The following LRRIQ3 variants were observed in gnomAD, a reference collection of about 807,000 sequenced individuals.
LRRIQ3 encodes leucine-rich repeat and IQ domain-containing protein 3.
A neutral mutation model predicts 59.3 loss-of-function variants in LRRIQ3; 75 were observed. That is an observed-to-expected ratio of 1.26 (90% CI 1.05 to 1.53). The LOEUF is 1.53. Ranked by LOEUF, LRRIQ3 falls within the 40% of genes most tolerant of loss-of-function variation. The probability of loss-of-function intolerance (pLI) is 0.00; values close to 1 mark genes in which losing one functional copy is unlikely to be tolerated. For missense variants in LRRIQ3, 831 were observed against 710.0 expected (o/e 1.17, Z -1.94); for synonymous variants, 250 against 231.3 (o/e 1.08, Z -0.73).
At chr1:74,197,052 T>C (rs372044981) in intron 1 of LRRIQ3, among the ~76,000 whole-genome samples, 1 of 152,234 alleles carries the variant, frequency 6.6e-6, no homozygotes, top group African/African-American at 2.4e-5. Flanking sequence ...CTCAAGTCTC[T>C]GTATTTTCTA....
At chr1:74,190,856 G>A (rs1271691634) in intron 1 of LRRIQ3, among the ~76,000 whole-genome samples, 1 of 152,114 alleles carries the variant, frequency 6.6e-6, no homozygotes, top group African/African-American at 2.4e-5. Context: ...GCAGAAGATA[G>A]TGGAGTGAAA....
chr1:74,196,878 A>T (rs1296500795), intron 1 of LRRIQ3, among the ~76,000 whole-genome samples: 1 of 152,084 alleles, frequency 6.6e-6, no homozygotes, highest in Admixed American at 6.5e-5. Context: ...CCCCCATTAT[A>T]ATCTATTCTC....
At chr1:74,147,143 G>A (rs899369547) in intron 4 of LRRIQ3, among the ~76,000 whole-genome samples, 3 of 152,132 alleles carry the variant, frequency 2.0e-5, no homozygotes, top group Non-Finnish European at 4.4e-5. Flanking sequence ...TAGAAGAATC[G>A]CTTGAGCCCA....
At chr1:74,180,737 G>C (rs1272019512) in intron 3 of LRRIQ3, 2 of 1,549,942 alleles carry the variant, frequency 1.3e-6, no homozygotes, top group African/African-American at 1.4e-5. Flanking sequence ...TCCAATATTG[G>C]GTAAGTTCCT....
At chr1:74,179,359 G>GT (rs1649841887) in intron 3 of LRRIQ3, among the ~76,000 whole-genome samples, 1 of 151,734 alleles carries the variant, frequency 6.6e-6, no homozygotes, top group Admixed American at 6.6e-5. Context: ...TTTTTATTGT[G>GT]TTATAAGGCA....
intron 4 of LRRIQ3, among the ~76,000 whole-genome samples, chr1:74,117,613 C>T (rs1051266019): frequency 1.3e-5 from 2 of 151,956 alleles, no homozygotes; most frequent in South Asian, 4.1e-4. Flanking sequence ...TAATACTACA[C>T]AAATTAGCCA....
chr1:74,153,132 A>G (rs987420045), intron 4 of LRRIQ3, among the ~76,000 whole-genome samples: 5 of 152,136 alleles, frequency 3.3e-5, no homozygotes, highest in African/African-American at 1.2e-4. Context: ...AAGACAACCA[A>G]TAATCCTCCC....
rs1333272379 is a variant in LRRIQ3, at chr1:74,164,558, C to A, written c.574-8692G>T. On this transcript the variant is annotated intron_variant, in intron 3 of 7. Coordinates refer to ENST00000354431, the MANE Select transcript of LRRIQ3 (RefSeq NM_001105659.2). ...CCTAGTGGTACTTTGTTATGGCAGC[C>A]CTAGCAAACAAATACATAGAGTTTG... Among the ~76,000 whole-genome samples the A allele has an allele frequency of 7.9e-5, 12 of 151,472 alleles. No individual in the cohort carries two copies. The South Asian group carries it at 2.5e-3, about 31-fold the overall frequency.
intron 3 of LRRIQ3, among the ~76,000 whole-genome samples, chr1:74,166,077 A>C (rs1442830294): frequency 6.6e-6 from 1 of 151,666 alleles, no homozygotes; most frequent in African/African-American, 2.4e-5. Flanking sequence ...TTCATAATAT[A>C]AATTAGGAGG....
chr1:74,084,145 T>G, intron 5 of LRRIQ3: 1 of 1,541,384 alleles, frequency 6.5e-7, no homozygotes, highest in Non-Finnish European at 8.8e-7. Flanking sequence ...TAATTCCTTT[T>G]GGCACTGATG....
At chr1:74,181,641 G>GT (rs1384414505) in intron 3 of LRRIQ3, 1 of 151,556 alleles carries the variant, frequency 6.6e-6, no homozygotes, top group Admixed American at 6.6e-5. Flanking sequence ...ATACTACCTT[G>GT]TTTTTTATAT....
chr1:74,101,427 G>T (rs1218266472), intron 5 of LRRIQ3, among the ~76,000 whole-genome samples: 1 of 152,168 alleles, frequency 6.6e-6, no homozygotes, highest in East Asian at 1.9e-4. Context: ...CAGAGAGGAT[G>T]TGGAGAAATA....
chr1:74,100,388 C>G (rs1398147415), intron 5 of LRRIQ3, among the ~76,000 whole-genome samples: 1 of 152,120 alleles, frequency 6.6e-6, no homozygotes, highest in Admixed American at 6.5e-5. Flanking sequence ...CTACAAACCA[C>G]TGCTCAACAA....
chr1:74,052,650 A>T (rs1483782), intron 6 of LRRIQ3, among the ~76,000 whole-genome samples: 129,352 of 152,040 alleles, frequency 0.85, 55,890 homozygotes, highest in East Asian at 0.97. Flanking sequence ...TTCATTGGAG[A>T]AGATTATAAG....
rs572431602 is a variant in LRRIQ3, at chr1:74,105,460, C to T, written c.867+3934G>A. Among the ~76,000 whole-genome samples the T allele has an allele frequency of 2.6e-5, 4 of 151,978 alleles. No individual in the cohort carries two copies. In the South Asian group the frequency reaches 6.2e-4, roughly 24 times the overall value. On this transcript the variant is annotated intron_variant, in intron 5 of 7. Coordinates refer to ENST00000354431, the MANE Select transcript of LRRIQ3 (RefSeq NM_001105659.2). ...AGAGATGGGGGTCTCACAATGTTTGCCAGGCTGGTCTTGAACTCCTGGCCT... is the reference window on the plus strand; with the variant it reads ...AGAGATGGGGGTCTCACAATGTTTGTCAGGCTGGTCTTGAACTCCTGGCCT...
At chr1:74,139,082 GTA>G (rs1327471282) in intron 4 of LRRIQ3, among the ~76,000 whole-genome samples, 1 of 146,598 alleles carries the variant, frequency 6.8e-6, no homozygotes, top group Admixed American at 6.9e-5. Context: ...ACACATATAT[GTA>G]TGTGTGTGTG....
At chr1:74,145,274 C>A (rs1261144134) in intron 4 of LRRIQ3, among the ~76,000 whole-genome samples, 1 of 152,242 alleles carries the variant, frequency 6.6e-6, no homozygotes, top group East Asian at 1.9e-4. Context: ...AAAGGGTATT[C>A]ATGACAGCTG....
intron 4 of LRRIQ3, among the ~76,000 whole-genome samples, chr1:74,146,322 C>A (rs919228750): frequency 1.3e-5 from 2 of 151,972 alleles, no homozygotes; most frequent in East Asian, 1.9e-4. Context: ...GTTAGTGTAC[C>A]ATTATATATG....
At chr1:74,166,031 T>C (rs944292169) in intron 3 of LRRIQ3, among the ~76,000 whole-genome samples, 6 of 151,678 alleles carry the variant, frequency 4.0e-5, no homozygotes, top group Non-Finnish European at 3.0e-5. Flanking sequence ...TCCTTTCTTG[T>C]GCTGTCTTTC....
Sources: gnomAD v4.1 joint callset for allele counts (sites outside exome capture counted in the v4.1 genomes callset) on GRCh38, gnomAD v4.1.1 for gene constraint, MANE v1.5 for transcripts, NCBI Gene and HGNC (gene_info 2026-07-23, HGNC 2026-07-21) for gene names.